Variants in GRIN2A observed in about 807,000 individuals in gnomAD.
GRIN2A encodes the protein glutamate receptor ionotropic, NMDA 2A.
A neutral mutation model predicts 113.4 loss-of-function variants in GRIN2A; 22 were observed. The ratio of observed to expected loss-of-function variants is 0.19; its 90% CI spans 0.14 to 0.28. GRIN2A has a LOEUF of 0.28. Among genes scored for constraint, GRIN2A ranks in the 10% least tolerant of loss-of-function variants. The pLI, the probability that GRIN2A is intolerant of heterozygous loss-of-function variation, is 1.00. For missense variants in GRIN2A, 1,502 were observed against 1,887.0 expected (o/e 0.80, Z 3.78); for synonymous variants, 827 against 738.4 (o/e 1.12, Z -1.94).
intron 8 of GRIN2A, 130 bp downstream of exon 8, chr16:9,833,975 C>T: frequency 3.3e-6 from 3 of 918,872 alleles, no homozygotes; most frequent in Non-Finnish European, 5.4e-6. Context: ...CCTCGGTCTC[C>T]CAAAGTGCTG....
chr16:10,090,619 T>A (rs1186502880), intron 2 of GRIN2A, among the ~76,000 whole-genome samples: 2 of 151,944 alleles, frequency 1.3e-5, no homozygotes, highest in African/African-American at 4.8e-5. Context: ...TGTCCTTGGG[T>A]TAAGCGGAAA....
chr16:10,038,794 G>A (rs2047084255), intron 2 of GRIN2A, among the ~76,000 whole-genome samples: 1 of 151,406 alleles, frequency 6.6e-6, no homozygotes, highest in Non-Finnish European at 1.5e-5. Context: ...CTTGCAGTGA[G>A]CCGAGATCGC....
In GRIN2A at chr16:10,027,373, C is replaced by A. The variant is rs116664028; in HGVS notation, c.415-88822G>T. 7.7e-3 allele frequency among the ~76,000 whole-genome samples: 1,178 copies of A among 152,272 alleles called. 17 individuals carry two copies. Among genetic ancestry groups the A allele is most frequent in the African/African-American group, 0.027 (1,108 of 41,548 alleles). On this transcript the variant is annotated intron_variant, in intron 2 of 12. Coordinates refer to ENST00000330684, the MANE Select transcript of GRIN2A (RefSeq NM_001134407.3). ...TAACGTTAGAATATAGTGAATGTCC[C>A]CCCCTGCCAGTGCTCCAAGGAACGT...
At chr16:9,913,575 A>G (rs1305243909) in intron 3 of GRIN2A, among the ~76,000 whole-genome samples, 1 of 152,230 alleles carries the variant, frequency 6.6e-6, no homozygotes, top group Non-Finnish European at 1.5e-5. Context: ...GGTGTTTAAC[A>G]TAAGTTATCG....
intron 9 of GRIN2A, among the ~76,000 whole-genome samples, chr16:9,824,231 C>T (rs550771615): frequency 6.6e-6 from 1 of 152,236 alleles, no homozygotes; most frequent in East Asian, 1.9e-4. Context: ...TATGTGCGTC[C>T]ACGTGTGCAT....
At chr16:10,035,397 A>G (rs1567249745) in intron 2 of GRIN2A, among the ~76,000 whole-genome samples, 1 of 151,950 alleles carries the variant, frequency 6.6e-6, no homozygotes, top group Non-Finnish European at 1.5e-5. Flanking sequence ...TCCAAACTGT[A>G]CTGCTCCTCT....
At chr16:9,827,019 T>A (rs1011901969) in intron 9 of GRIN2A, among the ~76,000 whole-genome samples, 6 of 152,220 alleles carry the variant, frequency 3.9e-5, no homozygotes, top group Non-Finnish European at 7.3e-5. Flanking sequence ...CTTCTAGGAA[T>A]TGCACTTTTG....
intron 2 of GRIN2A, among the ~76,000 whole-genome samples, chr16:10,071,664 G>A (rs1178873291): frequency 1.3e-5 from 2 of 152,164 alleles, no homozygotes; most frequent in African/African-American, 2.4e-5. Context: ...GGTGGTAAAT[G>A]AAAGGGATGT....
chr16:9,815,992 G>A (rs1011541484), intron 10 of GRIN2A, among the ~76,000 whole-genome samples: 1 of 152,216 alleles, frequency 6.6e-6, no homozygotes, highest in African/African-American at 2.4e-5. Context: ...TATGGTAAGT[G>A]AAATAAGCTA....
At chr16:9,853,613 C>T (rs1481130556) in intron 4 of GRIN2A, among the ~76,000 whole-genome samples, 1 of 152,024 alleles carries the variant, frequency 6.6e-6, no homozygotes, top group Non-Finnish European at 1.5e-5. Flanking sequence ...CCCAAATGGA[C>T]TAAGAGTCAA....
At chr16:9,814,528 G>A (rs966491754) in intron 10 of GRIN2A, among the ~76,000 whole-genome samples, 6 of 152,088 alleles carry the variant, frequency 3.9e-5, no homozygotes, top group South Asian at 2.1e-4. Context: ...TGTTCCAAAG[G>A]CACTTCCAAC....
At chr16:9,789,667 C>T (rs1034983731) in intron 11 of GRIN2A, among the ~76,000 whole-genome samples, 2 of 152,134 alleles carry the variant, frequency 1.3e-5, no homozygotes, top group African/African-American at 4.8e-5. Context: ...TAGCAAAGAA[C>T]ACAGTAGGAG....
At chr16:9,979,171 A>G (rs981096697) in intron 2 of GRIN2A, among the ~76,000 whole-genome samples, 36 of 152,146 alleles carry the variant, frequency 2.4e-4, no homozygotes, top group African/African-American at 8.2e-4. Context: ...CTAGATCTGG[A>G]GTCTGGTGAA....
intron 2 of GRIN2A, among the ~76,000 whole-genome samples, chr16:9,950,673 A>T (rs1340240099): frequency 6.6e-6 from 1 of 152,208 alleles, no homozygotes; most frequent in African/African-American, 2.4e-5. Flanking sequence ...ATCATGGGAG[A>T]TGGCTTAGTG....
chr16:10,035,748 G>A (rs1196897433), intron 2 of GRIN2A, among the ~76,000 whole-genome samples: 1 of 148,286 alleles, frequency 6.7e-6, no homozygotes, highest in Non-Finnish European at 1.5e-5. Context: ...TTTTGAGATA[G>A]GGTCTCACTC....
chr16:10,119,239 G>A (rs1178192365), intron 2 of GRIN2A, among the ~76,000 whole-genome samples: 1 of 152,222 alleles, frequency 6.6e-6, no homozygotes, highest in Non-Finnish European at 1.5e-5. Flanking sequence ...GGAAGATGGA[G>A]AAAGTTATAA....
intron 2 of GRIN2A, among the ~76,000 whole-genome samples, chr16:9,982,007 G>A (rs1037956807): frequency 1.3e-5 from 2 of 152,046 alleles, no homozygotes; most frequent in Admixed American, 6.6e-5. Flanking sequence ...AGGCAGGTCT[G>A]GAACTCCTGG....
At chr16:9,812,293 C>A (rs1332925537) in intron 10 of GRIN2A, among the ~76,000 whole-genome samples, 1 of 152,158 alleles carries the variant, frequency 6.6e-6, no homozygotes, top group East Asian at 1.9e-4. Flanking sequence ...GCATTTAACA[C>A]AGTACCTGGC....
chr16:10,125,428 A>G (rs61364437), intron 2 of GRIN2A, among the ~76,000 whole-genome samples: 26,338 of 152,074 alleles, frequency 0.17, 2,388 homozygotes, highest in Admixed American at 0.19. Flanking sequence ...TAAATACACT[A>G]GTGAGTAGAC....
Sources: allele counts gnomAD v4.1 joint callset (sites outside exome capture counted in the v4.1 genomes callset), GRCh38; gene constraint gnomAD v4.1.1; transcripts MANE v1.5; gene names NCBI Gene and HGNC (gene_info 2026-07-23, HGNC 2026-07-21).